The following ESRP1 variants were observed in gnomAD, a reference collection of about 807,000 sequenced individuals.
ESRP1 encodes the protein RNA-binding motif protein 35A.
ESRP1 carries 33 observed loss-of-function variants against 81.7 expected under a neutral mutation model. The ratio of observed to expected loss-of-function variants is 0.40; its 90% CI spans 0.31 to 0.54. The LOEUF is 0.54. Among genes scored for constraint, ESRP1 ranks in the 20% least tolerant of loss-of-function variants. The probability of loss-of-function intolerance (pLI) is 0.41; values close to 1 mark genes in which losing one functional copy is unlikely to be tolerated. For synonymous variants in ESRP1, 320 were observed against 303.3 expected (o/e 1.06, Z -0.57); for missense variants, 672 against 833.1 (o/e 0.81, Z 2.38).
Position 94,705,927 on chromosome 8 carries a change from T to A in ESRP1, c.*38T>A. ...ACTTTTTTTTTTTTTTTTTTCAGTG[T>A]TTGAAAGATGTATGGTGATCTTGAA... On this transcript the variant is annotated splice_region_variant and 3_prime_UTR_variant, in exon 16 of 16. Transcript: ENST00000433389. The A allele has an allele frequency of 6.6e-7, 1 of 1,515,836 alleles. No individual in the cohort carries two copies. The allele number at this position is 1,515,836 out of a possible 1,614,324, so 93.9% of individuals were successfully genotyped here.
chr8:94,653,474 T>C (rs1818251370), intron 4 of ESRP1, among the ~76,000 whole-genome samples: 1 of 152,194 alleles, frequency 6.6e-6, no homozygotes, highest in Non-Finnish European at 1.5e-5. Context: ...CTCTGCAATG[T>C]TGACTGATCC....
chr8:94,642,214 GAGCCC>G, intron 2 of ESRP1, 130 bp downstream of exon 2: 1 of 1,179,046 alleles, frequency 8.5e-7, no homozygotes, highest in Non-Finnish European at 1.2e-6. Context: ...GCGTGGGTGG[GAGCCC>G]AGCCTGAGGG....
intron 11 of ESRP1, among the ~76,000 whole-genome samples, chr8:94,672,065 A>G (rs148737891): frequency 2.0e-5 from 3 of 152,200 alleles, no homozygotes; most frequent in Non-Finnish European, 4.4e-5. Flanking sequence ...TCTTGACACA[A>G]TTTTTCTTAT....
At chr8:94,644,211 A>G (rs532990484) in intron 3 of ESRP1, among the ~76,000 whole-genome samples, 1 of 152,296 alleles carries the variant, frequency 6.6e-6, no homozygotes, top group African/African-American at 2.4e-5. Context: ...AGTGTAGCCA[A>G]TCATTGTTAA....
intron 15 of ESRP1, among the ~76,000 whole-genome samples, chr8:94,698,242 A>G (rs934792674): frequency 6.6e-6 from 1 of 152,202 alleles, no homozygotes; most frequent in African/African-American, 2.4e-5. Context: ...TTCTGTATAC[A>G]TGAAACAAGA....
At chr8:94,650,284 T>G (rs1044984008) in intron 4 of ESRP1, among the ~76,000 whole-genome samples, 1 of 152,260 alleles carries the variant, frequency 6.6e-6, no homozygotes, top group African/African-American at 2.4e-5. Context: ...CCTGCTACCT[T>G]AAAGTCTTTT....
intron 15 of ESRP1, 97 bp downstream of exon 15, chr8:94,697,058 C>A: frequency 1.3e-6 from 1 of 793,718 alleles, no homozygotes; most frequent in Non-Finnish European, 1.9e-6. Flanking sequence ...TCCTTCTTTT[C>A]TTTAGTGTAA....
intron 15 of ESRP1, among the ~76,000 whole-genome samples, chr8:94,702,158 G>GT (rs1809866383): frequency 6.6e-6 from 1 of 152,126 alleles, no homozygotes; most frequent in African/African-American, 2.4e-5. Context: ...TAGGGACATA[G>GT]GGTTTTTTTG....
chr8:94,655,065 T>TTTCG (rs545869490), intron 4 of ESRP1, among the ~76,000 whole-genome samples: 1 of 147,528 alleles, frequency 6.8e-6, no homozygotes, highest in Admixed American at 7.1e-5. Flanking sequence ...TTTGGGTTTT[T>TTTCG]TGTGTGTGTG....
intron 11 of ESRP1, 142 bp from the exon 12 acceptor site, chr8:94,674,166 A>C (rs1172303602): frequency 1.2e-6 from 1 of 846,844 alleles, no homozygotes; most frequent in East Asian, 2.6e-5. Context: ...GTCAGGTTCC[A>C]GCAGATCACA....
rs773988448 is a variant in ESRP1, at chr8:94,655,152, C to T, written c.491-7120C>T. Among the ~76,000 whole-genome samples the T allele has an allele frequency of 6.6e-5, 10 of 150,878 alleles. No homozygotes were observed. In the East Asian group the frequency reaches 7.9e-4, roughly 12 times the overall value. ...TCACCCAGGCTGGGGTGCAGTGGTG[C>T]GATCTCAGCTCATTGTGACCTCTGC... On this transcript the variant is annotated intron_variant, in intron 4 of 15. Coordinates refer to ENST00000433389, the MANE Select transcript of ESRP1 (RefSeq NM_017697.4).
intron 10 of ESRP1, among the ~76,000 whole-genome samples, chr8:94,669,648 C>G (rs1385636126): frequency 1.3e-5 from 2 of 151,920 alleles, no homozygotes; most frequent in Non-Finnish European, 2.9e-5. Flanking sequence ...AGCGGATTGC[C>G]TGAGCTCAGG....
rs1038467144 is a variant in ESRP1, at chr8:94,692,764, A to G, written c.1908A>G (p.Arg636=). ...CTCCACAGCCTGGCACGGTGGTCAG[A>G]ATGCAGGGCCTGGCCTACAATACTG... ...GVPPQPGTVV[R]MQGLAYNTGV... The change falls in exon 14 of 16, where the codon AGA becomes AGG. Residue 636 remains arginine (R), a synonymous_variant. Coordinates refer to ENST00000433389, the MANE Select transcript of ESRP1 (RefSeq NM_017697.4). 1.1e-5 allele frequency: 17 copies of G among 1,613,914 alleles called. No homozygotes were observed. Among genetic ancestry groups the G allele is most frequent in the Non-Finnish European group, 1.4e-5 (17 of 1,179,864 alleles).
At chr8:94,681,220 G>A (rs764539903) in intron 13 of ESRP1, among the ~76,000 whole-genome samples, 1 of 151,024 alleles carries the variant, frequency 6.6e-6, no homozygotes, top group African/African-American at 2.4e-5. Context: ...CAGCTACTTG[G>A]GAGGCTGAGG....
intron 4 of ESRP1, among the ~76,000 whole-genome samples, chr8:94,650,927 G>T (rs1468222817): frequency 1.3e-5 from 2 of 152,010 alleles, no homozygotes; most frequent in East Asian, 3.9e-4. Context: ...GGATGGTCTC[G>T]ATCTCCTGAC....
rs947599171 is a variant in ESRP1 at position 94,692,611 on chromosome 8, T to C, written c.1821-66T>C. On this transcript the variant is annotated intron_variant, in intron 13 of 15. Transcript: ENST00000433389. ...AAATTCTGTTTCCTTAAGTAACTAATGTTTTTATAGTAAGTATTCAACATT... is the reference window on the plus strand; with the variant it reads ...AAATTCTGTTTCCTTAAGTAACTAACGTTTTTATAGTAAGTATTCAACATT... The C allele has an allele frequency of 4.0e-6, 6 of 1,515,874 alleles. No homozygotes were observed. The African/African-American group carries it at 5.5e-5, about 14-fold the overall frequency. 93.9% of individuals were successfully genotyped at this position (1,515,874 alleles called of 1,614,324 possible).
rs1379705456 is a variant in ESRP1, at chr8:94,656,300, G to A, written c.491-5972G>A. 4 of 152,114 alleles carry A rather than the reference G, an allele frequency of 2.6e-5. No individual in the cohort carries two copies. In the East Asian group the frequency reaches 7.7e-4, roughly 29 times the overall value. The allele number at this position is 152,114 out of a possible 1,614,324, so 9.4% of individuals were successfully genotyped here. On this transcript the variant is annotated intron_variant, in intron 4 of 15. Transcript: ENST00000433389. ...GTGGCGCGATCCCGGCTCACTGCAA[G>A]CTCCGCTTCCCGGGTTCAAGCCATT...
intron 13 of ESRP1, among the ~76,000 whole-genome samples, chr8:94,682,847 A>AAT (rs1340891023): frequency 2.2e-5 from 3 of 139,410 alleles, no homozygotes; most frequent in Admixed American, 7.3e-5. Flanking sequence ...CTAATGAATG[A>AAT]ATATATATAT....
intron 4 of ESRP1, among the ~76,000 whole-genome samples, chr8:94,661,129 C>T (rs1254257289): frequency 2.6e-5 from 4 of 152,290 alleles, no homozygotes; most frequent in Admixed American, 2.6e-4. Context: ...CAACCTCCAC[C>T]TCCCGGGTTC....
Sources: allele counts gnomAD v4.1 joint callset (sites outside exome capture counted in the v4.1 genomes callset), GRCh38; gene constraint gnomAD v4.1.1; transcripts MANE v1.5; gene names NCBI Gene and HGNC (gene_info 2026-07-23, HGNC 2026-07-21).